KATNIP: variants seen among roughly 807,000 people sequenced by gnomAD.
KATNIP encodes the protein katanin-interacting protein.
Under a neutral mutation model 174.0 loss-of-function variants are expected in KATNIP, and 126 were observed. The ratio of observed to expected loss-of-function variants is 0.72; its 90% CI spans 0.63 to 0.84. The LOEUF (loss-of-function observed/expected upper bound fraction) is 0.84. Ranked by LOEUF, KATNIP falls within the 40% of genes least tolerant of loss-of-function variation. The pLI is 0.00. For synonymous variants in KATNIP, 810 were observed against 835.7 expected, an observed-to-expected ratio of 0.97 and a Z score of 0.53; for missense variants, 1,958 against 2,109.7, an observed-to-expected ratio of 0.93 and a Z score of 1.41.
chr16:27,608,384 C>T (rs1342287890), intron 2 of KATNIP, among the ~76,000 whole-genome samples: 1 of 147,594 alleles, frequency 6.8e-6, no homozygotes, highest in East Asian at 2.0e-4. Flanking sequence ...GTGCACGCCA[C>T]CATGACTGGT....
chr16:27,768,948 G>A (rs1490304615), intron 20 of KATNIP, among the ~76,000 whole-genome samples: 1 of 152,216 alleles, frequency 6.6e-6, no homozygotes, highest in Non-Finnish European at 1.5e-5. Context: ...GTGTCGAGGA[G>A]AACCAGGCTC....
intron 13 of KATNIP, among the ~76,000 whole-genome samples, chr16:27,710,387 CA>C (rs1338527632): frequency 1.3e-5 from 2 of 151,602 alleles, no homozygotes; most frequent in East Asian, 1.9e-4. Context: ...ACAGAATTTA[CA>C]AAAAAAAGAT....
chr16:27,592,644 GT>G (rs1285138971), intron 2 of KATNIP, among the ~76,000 whole-genome samples: 1 of 152,030 alleles, frequency 6.6e-6, no homozygotes, highest in East Asian at 1.9e-4. Context: ...ACAACCAGAT[GT>G]GGACACAGGA....
intron 8 of KATNIP, among the ~76,000 whole-genome samples, chr16:27,682,710 C>T (rs1390277038): frequency 6.6e-6 from 1 of 152,100 alleles, no homozygotes; most frequent in Non-Finnish European, 1.5e-5. Context: ...GGCTGGGTGG[C>T]ATGGTTTGAA....
At chr16:27,773,487 G>A (rs2082385043) in intron 23 of KATNIP, among the ~76,000 whole-genome samples, 1 of 152,166 alleles carries the variant, frequency 6.6e-6, no homozygotes, top group Admixed American at 6.5e-5. Flanking sequence ...CCCCTTCTCG[G>A]AGAACCACAG....
At position 27,775,103 on chromosome 16, in the gene KATNIP, C is replaced by T. The variant is rs1342539112; in HGVS notation, c.4449+19C>T. 6.2e-7 allele frequency: 1 copy of T among 1,608,130 alleles called. No homozygotes were observed. Among genetic ancestry groups the T allele is most frequent in the East Asian group, 2.2e-5 (1 of 44,634 alleles). The stretch of plus-strand genomic sequence containing the variant: ...GGGCCTGGTGGGTTCCCGGCAGCGG[C>T]CACCGCAGCTCCTGGCCCTCAGGCG... On this transcript the variant is annotated intron_variant, in intron 24 of 27. Transcript: ENST00000261588.
At chr16:27,558,865 A>C (rs2089736753) in intron 1 of KATNIP, among the ~76,000 whole-genome samples, 1 of 151,558 alleles carries the variant, frequency 6.6e-6, no homozygotes. Context: ...CCTAGTAGGT[A>C]GCAGAGCCAG....
At chr16:27,612,518 G>A (rs2075918958) in intron 2 of KATNIP, among the ~76,000 whole-genome samples, 1 of 152,146 alleles carries the variant, frequency 6.6e-6, no homozygotes, top group South Asian at 2.1e-4. Flanking sequence ...AACACTTTTG[G>A]GAGGCCGAGG....
intron 8 of KATNIP, among the ~76,000 whole-genome samples, chr16:27,689,368 G>A (rs1222137728): frequency 1.3e-5 from 2 of 151,630 alleles, no homozygotes; most frequent in East Asian, 1.9e-4. Flanking sequence ...GTGAGATCAC[G>A]CCACTGGACT....
intron 6 of KATNIP, among the ~76,000 whole-genome samples, chr16:27,663,753 C>T (rs2077599136): frequency 6.6e-6 from 1 of 151,990 alleles, no homozygotes; most frequent in Non-Finnish European, 1.5e-5. Flanking sequence ...GCCACTGTAC[C>T]TGGCCATTTA....
At position 27,669,164 on chromosome 16, in the gene KATNIP, G is replaced by A. The variant is rs555683583; in HGVS notation, c.541-8565G>A. 7 of 414,764 alleles carry A rather than the reference G, an allele frequency of 1.7e-5. No homozygotes were observed. In the South Asian group the frequency reaches 7.0e-4, roughly 41 times the overall value. 25.7% of individuals were successfully genotyped at this position (414,764 alleles called of 1,614,324 possible). Reference sequence around the variant, plus strand: ...ACTTCATGTTTGATGGTCGCCTGATGTCACTTTTCCTAGTTCAGCAGAAAG... The same window carrying A: ...ACTTCATGTTTGATGGTCGCCTGATATCACTTTTCCTAGTTCAGCAGAAAG... On this transcript the variant is annotated intron_variant, in intron 6 of 27. Transcript: ENST00000261588.
chr16:27,582,058 A>G (rs911847569), intron 2 of KATNIP, among the ~76,000 whole-genome samples: 1 of 152,106 alleles, frequency 6.6e-6, no homozygotes, highest in Non-Finnish European at 1.5e-5. Flanking sequence ...TCTGCAAGCC[A>G]TCTCTTGCAG....
chr16:27,631,007 G>C, intron 4 of KATNIP, 58 bp from the exon 5 acceptor site: 1 of 1,376,458 alleles, frequency 7.3e-7, no homozygotes, highest in Non-Finnish European at 1.0e-6. Flanking sequence ...AACCAACCCA[G>C]TACTGTGAGC....
chr16:27,669,923 A>G (rs2077832879), intron 6 of KATNIP, among the ~76,000 whole-genome samples: 1 of 152,040 alleles, frequency 6.6e-6, no homozygotes, highest in Non-Finnish European at 1.5e-5. Flanking sequence ...CCTGGGCTCA[A>G]GCAATCTTCC....
At chr16:27,758,716 T>C (rs2081832908) in intron 18 of KATNIP, among the ~76,000 whole-genome samples, 1 of 152,180 alleles carries the variant, frequency 6.6e-6, no homozygotes, top group African/African-American at 2.4e-5. Context: ...CATGATAGGT[T>C]CCTTCTCAGC....
At chr16:27,719,493 C>T (rs1242788036) in intron 13 of KATNIP, among the ~76,000 whole-genome samples, 1 of 151,722 alleles carries the variant, frequency 6.6e-6, no homozygotes, top group Non-Finnish European at 1.5e-5. Context: ...CTGCCTCAGC[C>T]TCCCCAGTAG....
At chr16:27,665,579 C>G (rs1039481640) in intron 6 of KATNIP, among the ~76,000 whole-genome samples, 1 of 151,904 alleles carries the variant, frequency 6.6e-6, no homozygotes, top group Non-Finnish European at 1.5e-5. Flanking sequence ...TGAGAACAGA[C>G]TAATATACCA....
At chr16:27,715,653 G>A (rs905302683) in intron 13 of KATNIP, among the ~76,000 whole-genome samples, 3 of 152,010 alleles carry the variant, frequency 2.0e-5, no homozygotes, top group African/African-American at 7.2e-5. Context: ...ATTTCTCCAA[G>A]AAAATGTACA....
chr16:27,657,892 A>G (rs367859853), intron 6 of KATNIP, among the ~76,000 whole-genome samples: 23 of 152,334 alleles, frequency 1.5e-4, no homozygotes, highest in African/African-American at 3.6e-4. Flanking sequence ...CCTGGATGAC[A>G]GAGCAAGACT....
Sources: gnomAD v4.1 joint callset for allele counts (sites outside exome capture counted in the v4.1 genomes callset) on GRCh38, gnomAD v4.1.1 for gene constraint, MANE v1.5 for transcripts, NCBI Gene and HGNC (gene_info 2026-07-23, HGNC 2026-07-21) for gene names.